Variants in ANKS1B observed in about 807,000 individuals in gnomAD.
ANKS1B encodes ankyrin repeat and sterile alpha motif domain-containing protein 1B.
A neutral mutation model predicts 148.3 loss-of-function variants in ANKS1B; 36 were observed. The observed-to-expected ratio is 0.24, with a 90% CI of 0.19 to 0.32. The LOEUF is 0.32. Among genes scored for constraint, ANKS1B ranks in the 10% least tolerant of loss-of-function variants. The probability of loss-of-function intolerance (pLI) is 1.00; values close to 1 mark genes in which losing one functional copy is unlikely to be tolerated. For missense variants in ANKS1B, 1,157 were observed against 1,542.6 expected, an observed-to-expected ratio of 0.75 and a Z score of 4.19; for synonymous variants, 542 against 560.8, an observed-to-expected ratio of 0.97 and a Z score of 0.47.
chr12:99,871,244 T>C (rs2091473273), intron 1 of ANKS1B, among the ~76,000 whole-genome samples: 1 of 152,260 alleles, frequency 6.6e-6, no homozygotes, highest in African/African-American at 2.4e-5. Context: ...ATTTCTGGGT[T>C]CTCTATTCTG....
At chr12:99,731,414 G>A (rs10735370) in intron 8 of ANKS1B, among the ~76,000 whole-genome samples, 3 of 13,936 alleles carry the variant, frequency 2.2e-4, no homozygotes, top group Non-Finnish European at 6.7e-4. Context: ...CCACCGTGCC[G>A]TGTGTGTGTG....
At chr12:99,160,439 T>C (rs1331199848) in intron 14 of ANKS1B, among the ~76,000 whole-genome samples, 7 of 151,466 alleles carry the variant, frequency 4.6e-5, no homozygotes, top group Admixed American at 3.9e-4. Flanking sequence ...CCTGGGTTCA[T>C]GCCATTCTCC....
intron 10 of ANKS1B, among the ~76,000 whole-genome samples, chr12:99,463,077 G>A (rs1250124714): frequency 6.6e-6 from 1 of 152,130 alleles, no homozygotes; most frequent in Non-Finnish European, 1.5e-5. Context: ...AATAACACAT[G>A]CTTTCACAAA....
chr12:99,439,960 T>A (rs1026028438), intron 11 of ANKS1B, among the ~76,000 whole-genome samples: 45 of 151,756 alleles, frequency 3.0e-4, no homozygotes, highest in African/African-American at 1.0e-3. Flanking sequence ...GGTAAACCAC[T>A]TACCATGAAA....
chr12:99,566,783 G>A (rs73141662), intron 9 of ANKS1B, among the ~76,000 whole-genome samples: 5 of 152,220 alleles, frequency 3.3e-5, no homozygotes, highest in Non-Finnish European at 5.9e-5. Flanking sequence ...CCATAACCAT[G>A]AACTAAATAA....
intron 8 of ANKS1B, among the ~76,000 whole-genome samples, chr12:99,655,859 C>T (rs544888987): frequency 7.9e-5 from 12 of 152,172 alleles, no homozygotes; most frequent in Admixed American, 2.6e-4. Context: ...TGTTGAGTAA[C>T]TTTTGGATAA....
rs386377539 is a variant in ANKS1B, at chr12:99,088,838, G to GTTTTTTTT, written c.2527-3823_2527-3816dup. ...GCTAGCAAATCTCAGTTTAACTTCTGTTTTTTTTTTTTTTTTTTTTTTTTG... is the reference window on the plus strand; with the variant it reads ...GCTAGCAAATCTCAGTTTAACTTCTGTTTTTTTTTTTTTTTTTTTTTTTTTTTTTTTTG... On this transcript the variant is annotated intron_variant, in intron 15 of 26. Transcript: ENST00000683438. Among the ~76,000 whole-genome samples, 314 of 69,826 alleles carry GTTTTTTTT rather than the reference G, an allele frequency of 4.5e-3. 33 individuals carry two copies. The highest frequency in any genetic ancestry group is 0.014 in the Middle Eastern group (1 of 70). The allele number at this position is 69,826 out of a possible 152,430, so 45.8% of individuals were successfully genotyped here. A position where few individuals can be genotyped will look rare whatever the true frequency, so the allele number is the denominator to read the frequency against.
chr12:98,781,011 G>T, intron 24 of ANKS1B, 106 bp downstream of exon 24: 1 of 669,910 alleles, frequency 1.5e-6, no homozygotes, highest in Admixed American at 2.8e-5. Context: ...GGGGGAAAGG[G>T]ATGATTACAG....
At chr12:99,622,730 A>T (rs1385322030) in intron 9 of ANKS1B, among the ~76,000 whole-genome samples, 1 of 152,004 alleles carries the variant, frequency 6.6e-6, no homozygotes, top group Non-Finnish European at 1.5e-5. Context: ...AACAATATGA[A>T]GTTCCAAAAC....
intron 17 of ANKS1B, among the ~76,000 whole-genome samples, chr12:98,913,224 A>G (rs2099789100): frequency 6.6e-6 from 1 of 152,086 alleles, no homozygotes; most frequent in South Asian, 2.1e-4. Context: ...CCCACCCTCT[A>G]CTGATGTGTA....
At chr12:99,545,022 C>T (rs766948910) in intron 9 of ANKS1B, among the ~76,000 whole-genome samples, 2 of 151,912 alleles carry the variant, frequency 1.3e-5, no homozygotes, top group Non-Finnish European at 2.9e-5. Flanking sequence ...TATCATTGGT[C>T]GAACTTACTG....
At chr12:98,954,555 T>C (rs2099859290) in intron 17 of ANKS1B, 1 of 152,164 alleles carries the variant, frequency 6.6e-6, no homozygotes, top group Admixed American at 6.5e-5. Flanking sequence ...AACAAAATGG[T>C]GTTTATGTAG....
At chr12:99,984,015 C>A (rs764918162) in intron 1 of ANKS1B, 89 bp downstream of exon 1, 44 of 1,172,092 alleles carry the variant, frequency 3.8e-5, no homozygotes, top group Non-Finnish European at 4.9e-5. Flanking sequence ...CTGGCAGCCA[C>A]CAGGTGCAAT....
chr12:99,746,867 A>T (rs2060645216), intron 8 of ANKS1B, among the ~76,000 whole-genome samples: 1 of 152,104 alleles, frequency 6.6e-6, no homozygotes, highest in Non-Finnish European at 1.5e-5. Flanking sequence ...TATACATAAC[A>T]CATTCAAGCA....
chr12:99,961,373 G>T (rs967845035), intron 1 of ANKS1B, among the ~76,000 whole-genome samples: 1 of 152,140 alleles, frequency 6.6e-6, no homozygotes, highest in Non-Finnish European at 1.5e-5. Context: ...TCACAAAATC[G>T]CTGAGGTAAT....
rs961607302 is a variant in ANKS1B at position 99,411,830 on chromosome 12, C to T, written c.1576-12019G>A. ...GCTTCTATTTCTAGAGCTCCTAGTG[C>T]GTGGATATTGGATCTCTTTGACCCT... On this transcript the variant is annotated intron_variant, in intron 11 of 26. Coordinates refer to ENST00000683438, the MANE Select transcript of ANKS1B (RefSeq NM_001352186.2). 3.3e-5 allele frequency among the ~76,000 whole-genome samples: 5 copies of T among 152,256 alleles called. No individual in the cohort carries two copies. In the East Asian group the frequency reaches 5.8e-4, roughly 18 times the overall value.
At chr12:99,389,918 C>T (rs576243337) in intron 12 of ANKS1B, among the ~76,000 whole-genome samples, 1 of 152,280 alleles carries the variant, frequency 6.6e-6, no homozygotes, top group Non-Finnish European at 1.5e-5. Flanking sequence ...ACCTTCCCAC[C>T]CCAGGATACA....
chr12:99,126,149 G>C (rs1256979981), intron 15 of ANKS1B, among the ~76,000 whole-genome samples: 1 of 152,142 alleles, frequency 6.6e-6, no homozygotes, highest in Admixed American at 6.6e-5. Context: ...GACTTTATGG[G>C]CTTAATAAAA....
chr12:98,859,537 C>T (rs573782265), intron 17 of ANKS1B, among the ~76,000 whole-genome samples: 1 of 152,080 alleles, frequency 6.6e-6, no homozygotes, highest in South Asian at 2.1e-4. Flanking sequence ...AGAAGTAAAT[C>T]TATGAATAAC....
Sources: gnomAD v4.1 joint callset for allele counts (sites outside exome capture counted in the v4.1 genomes callset) on GRCh38, gnomAD v4.1.1 for gene constraint, MANE v1.5 for transcripts, NCBI Gene and HGNC (gene_info 2026-07-23, HGNC 2026-07-21) for gene names.